The following ARL15 variants were observed in gnomAD, a reference collection of about 807,000 sequenced individuals.
ARL15 encodes the protein ARF like GTPase 15, also known as ADP-ribosylation factor-like protein 15.
ARL15 carries 19 observed loss-of-function variants against 25.2 expected under a neutral mutation model. The observed-to-expected ratio is 0.75, with a 90% CI of 0.53 to 1.10. The LOEUF (loss-of-function observed/expected upper bound fraction) is 1.10, where lower values mean the gene tolerates loss of function less well. Among genes scored for constraint, ARL15 ranks in the 50% least tolerant of loss-of-function variants. The pLI, the probability that ARL15 is intolerant of heterozygous loss-of-function variation, is 0.00. For missense variants in ARL15, 220 were observed against 246.0 expected, an observed-to-expected ratio of 0.89 and a Z score of 0.71; for synonymous variants, 94 against 86.8, an observed-to-expected ratio of 1.08 and a Z score of -0.46.
chr5:53,927,800 G>A (rs537953658), intron 4 of ARL15, among the ~76,000 whole-genome samples: 1 of 152,208 alleles, frequency 6.6e-6, no homozygotes, highest in Admixed American at 6.5e-5. Context: ...TTGAAAGAGG[G>A]CTGCAGCAAC....
intron 4 of ARL15, among the ~76,000 whole-genome samples, chr5:53,992,927 T>A (rs1214808708): frequency 6.6e-6 from 1 of 152,058 alleles, no homozygotes; most frequent in Non-Finnish European, 1.5e-5. Flanking sequence ...ATGCCTGTAA[T>A]CCCAGCTACT....
At chr5:54,220,880 A>G (rs1756354031) in intron 1 of ARL15, among the ~76,000 whole-genome samples, 1 of 152,106 alleles carries the variant, frequency 6.6e-6, no homozygotes, top group Non-Finnish European at 1.5e-5. Context: ...TCGTCCTGGC[A>G]CTAAGATAGA....
intron 4 of ARL15, among the ~76,000 whole-genome samples, chr5:53,932,146 T>G (rs1190250125): frequency 6.6e-6 from 1 of 152,214 alleles, no homozygotes; most frequent in Admixed American, 6.5e-5. Context: ...TGCCCACACA[T>G]TGCTACATTA....
At chr5:54,054,160 C>T (rs1021067759) in intron 4 of ARL15, among the ~76,000 whole-genome samples, 22 of 152,204 alleles carry the variant, frequency 1.4e-4, no homozygotes, top group African/African-American at 5.1e-4. Flanking sequence ...CCCCTTACTT[C>T]CGGTACCTCG....
At chr5:54,309,985 A>T (rs1041684493) in intron 1 of ARL15, among the ~76,000 whole-genome samples, 3 of 152,234 alleles carry the variant, frequency 2.0e-5, no homozygotes, top group Admixed American at 1.3e-4. Flanking sequence ...TAACAATCAA[A>T]TGACCAGGGC....
At chr5:54,036,169 A>T (rs541906048) in intron 4 of ARL15, among the ~76,000 whole-genome samples, 2 of 151,656 alleles carry the variant, frequency 1.3e-5, no homozygotes, top group Admixed American at 6.6e-5. Context: ...AAAAAAAAAA[A>T]GGGATTTTGA....
intron 4 of ARL15, among the ~76,000 whole-genome samples, chr5:53,891,215 C>A (rs1744698259): frequency 6.6e-6 from 1 of 152,122 alleles, no homozygotes; most frequent in African/African-American, 2.4e-5. Context: ...ACTAGTTTTC[C>A]TGTAAGCATT....
chr5:53,998,280 CA>C (rs1343572637), intron 4 of ARL15, among the ~76,000 whole-genome samples: 6 of 108,464 alleles, frequency 5.5e-5, no homozygotes, highest in Admixed American at 5.1e-4. Context: ...CCAGGGACAT[CA>C]GGAAAAAAAA....
At chr5:54,152,291 T>C (rs1038309261) in intron 3 of ARL15, among the ~76,000 whole-genome samples, 4 of 152,214 alleles carry the variant, frequency 2.6e-5, no homozygotes, top group Non-Finnish European at 5.9e-5. Flanking sequence ...TATTTTGGGA[T>C]GATCCCCTTC....
Position 54,071,520 on chromosome 5 carries a change from C to T in ARL15, c.462+41682G>A, listed in dbSNP as rs200465582. Among the ~76,000 whole-genome samples, 61 of 101,946 alleles carry T rather than the reference C, an allele frequency of 6.0e-4. 3 individuals are homozygous for T. Among genetic ancestry groups the T allele is most frequent in the East Asian group, 1.8e-3 (7 of 3,828 alleles). 66.9% of individuals were successfully genotyped at this position (101,946 alleles called of 152,430 possible). ...CTCTTCCACCGCCTTTCCCCCCCCC[C>T]CCCCCGCAAAGCCAGACCCAACCTC... On this transcript the variant is annotated intron_variant, in intron 4 of 4. Transcript: ENST00000504924.
chr5:54,272,440 T>G (rs1757814182), intron 1 of ARL15, among the ~76,000 whole-genome samples: 1 of 152,022 alleles, frequency 6.6e-6, no homozygotes, highest in South Asian at 2.1e-4. Context: ...CGACCATCCA[T>G]GAAAAGAAAG....
At chr5:54,204,940 T>TTTC (rs964112085) in intron 1 of ARL15, among the ~76,000 whole-genome samples, 5 of 151,138 alleles carry the variant, frequency 3.3e-5, no homozygotes, top group African/African-American at 1.2e-4. Context: ...TGCCTTTTTT[T>TTTC]TTTTTTTCCT....
At chr5:54,234,057 A>C (rs933228346) in intron 1 of ARL15, among the ~76,000 whole-genome samples, 1 of 152,154 alleles carries the variant, frequency 6.6e-6, no homozygotes, top group African/African-American at 2.4e-5. Flanking sequence ...GTACAACGGC[A>C]AGATCTCAGC....
intron 3 of ARL15, among the ~76,000 whole-genome samples, chr5:54,140,682 G>A (rs1226716972): frequency 6.6e-6 from 1 of 152,116 alleles, no homozygotes; most frequent in African/African-American, 2.4e-5. Flanking sequence ...ATGAAATGAG[G>A]CAAAATGCAA....
chr5:54,242,904 C>G (rs565886514), intron 1 of ARL15, among the ~76,000 whole-genome samples: 51 of 152,258 alleles, frequency 3.3e-4, no homozygotes, highest in Admixed American at 5.9e-4. Context: ...GAAAAAAAAT[C>G]TCTTTGCTCA....
At chr5:53,903,348 G>A (rs1293761199) in intron 4 of ARL15, among the ~76,000 whole-genome samples, 1 of 152,126 alleles carries the variant, frequency 6.6e-6, no homozygotes, top group Non-Finnish European at 1.5e-5. Context: ...CTTCCCACGG[G>A]ACATTTGATA....
At chr5:54,175,658 C>T (rs1435707693) in intron 1 of ARL15, among the ~76,000 whole-genome samples, 68 of 142,184 alleles carry the variant, frequency 4.8e-4, no homozygotes, top group African/African-American at 1.7e-3. Context: ...CTTTTTCTCT[C>T]TTTTTTTTTT....
chr5:54,242,647 C>A (rs997946204), intron 1 of ARL15, among the ~76,000 whole-genome samples: 1 of 152,128 alleles, frequency 6.6e-6, no homozygotes, highest in Non-Finnish European at 1.5e-5. Context: ...AGCCATCTTG[C>A]CACCAGGAAG....
At chr5:54,059,773 G>A (rs1751005315) in intron 4 of ARL15, among the ~76,000 whole-genome samples, 1 of 151,980 alleles carries the variant, frequency 6.6e-6, no homozygotes, top group African/African-American at 2.4e-5. Context: ...TAGTTATTTG[G>A]CTCCTTCAGC....
Sources: allele counts gnomAD v4.1 joint callset (sites outside exome capture counted in the v4.1 genomes callset), GRCh38; gene constraint gnomAD v4.1.1; transcripts MANE v1.5; gene names NCBI Gene and HGNC (gene_info 2026-07-23, HGNC 2026-07-21).